The following PRIM2 variants were observed in gnomAD, a reference collection of about 807,000 sequenced individuals.
PRIM2 encodes the protein DNA primase subunit 2.
In PRIM2, 39 loss-of-function variants were observed where a neutral mutation model predicts 67.3. The ratio of observed to expected loss-of-function variants is 0.58; its 90% confidence interval spans 0.45 to 0.76. The LOEUF is 0.76. Ranked by LOEUF, PRIM2 falls within the 30% of genes least tolerant of loss-of-function variation. The pLI, the probability that PRIM2 is intolerant of heterozygous loss-of-function variation, is 0.00. For synonymous variants in PRIM2, 143 were observed against 198.7 expected, an observed-to-expected ratio of 0.72 and a Z score of 2.36; for missense variants, 398 against 598.7, an observed-to-expected ratio of 0.66 and a Z score of 3.50.
chr6:57,420,497 C>T (rs1771428809), intron 7 of PRIM2, among the ~76,000 whole-genome samples: 1 of 151,584 alleles, frequency 6.6e-6, no homozygotes, highest in Admixed American at 6.6e-5. Flanking sequence ...AGGGAGACTC[C>T]ATCTCAAAAA....
chr6:57,453,023 C>G (rs1340161257), intron 7 of PRIM2, among the ~76,000 whole-genome samples: 2 of 152,162 alleles, frequency 1.3e-5, no homozygotes, highest in African/African-American at 2.4e-5. Flanking sequence ...GTTTTCCCAG[C>G]ACCATTTATT....
intron 7 of PRIM2, among the ~76,000 whole-genome samples, chr6:57,480,871 C>T (rs1457477347): frequency 6.6e-6 from 1 of 152,218 alleles, no homozygotes; most frequent in Non-Finnish European, 1.5e-5. Context: ...TGTGATCTGC[C>T]TGGCTCTGCC....
chr6:57,615,568 T>C (rs1346042031), intron 12 of PRIM2, among the ~76,000 whole-genome samples: 2 of 152,230 alleles, frequency 1.3e-5, no homozygotes, highest in Non-Finnish European at 2.9e-5. Flanking sequence ...CTTTGTTTCA[T>C]GGACTTATAA....
chr6:57,370,782 C>T (rs1278440776), intron 5 of PRIM2, among the ~76,000 whole-genome samples: 1 of 147,920 alleles, frequency 6.8e-6, no homozygotes, highest in Non-Finnish European at 1.5e-5. Flanking sequence ...GCAACCTTTG[C>T]CTGCCTCCTA....
intron 5 of PRIM2, among the ~76,000 whole-genome samples, chr6:57,329,626 C>T (rs1767986494): frequency 6.6e-6 from 1 of 152,074 alleles, no homozygotes; most frequent in South Asian, 2.1e-4. Flanking sequence ...AGGGGCCTCC[C>T]CCTTTGCTTG....
At chr6:57,547,351 C>T (rs1215682187) in intron 10 of PRIM2, among the ~76,000 whole-genome samples, 3 of 152,106 alleles carry the variant, frequency 2.0e-5, no homozygotes, top group Non-Finnish European at 4.4e-5. Context: ...AGATAGTGAG[C>T]ATAGTACCCA....
chr6:57,287,272 G>T, the PRIM2 span, among the ~76,000 whole-genome samples: 1 of 152,142 alleles, frequency 6.6e-6, no homozygotes, highest in African/African-American at 2.4e-5. Flanking sequence ...ATACCCAAAG[G>T]ATTGTAAATC....
intron 9 of PRIM2, among the ~76,000 whole-genome samples, chr6:57,534,617 A>G (rs1260680937): frequency 2.0e-5 from 3 of 152,152 alleles, no homozygotes; most frequent in African/African-American, 7.2e-5. Flanking sequence ...CTCTTTGTGT[A>G]TTGAATCACA....
At chr6:57,287,458 A>G in the PRIM2 span, among the ~76,000 whole-genome samples, 1,606 of 152,298 alleles carry the variant, frequency 0.011, 25 homozygotes, top group African/African-American at 0.036. Flanking sequence ...TGTCCTTTGC[A>G]GGGACATGGA....
At chr6:57,617,695 T>A (rs1776779487) in intron 12 of PRIM2, among the ~76,000 whole-genome samples, 1 of 152,198 alleles carries the variant, frequency 6.6e-6, no homozygotes, top group Admixed American at 6.5e-5. Flanking sequence ...GTTCTCCTAT[T>A]CTGTAGGTTT....
intron 7 of PRIM2, among the ~76,000 whole-genome samples, chr6:57,428,731 A>T (rs1771715091): frequency 1.3e-5 from 2 of 152,190 alleles, no homozygotes; most frequent in African/African-American, 4.8e-5. Context: ...GATATTTAAA[A>T]ACTTTTTATT....
At chr6:57,320,081 T>C (rs1618210) in intron 2 of PRIM2, among the ~76,000 whole-genome samples, 99,519 of 152,014 alleles carry the variant, frequency 0.65, 32,705 homozygotes, top group South Asian at 0.72. Flanking sequence ...GTTGAATCTA[T>C]GCCAAGTAAA....
chr6:57,228,997 A>G, the PRIM2 span, among the ~76,000 whole-genome samples: 1 of 152,234 alleles, frequency 6.6e-6, no homozygotes, highest in Non-Finnish European at 1.5e-5. Flanking sequence ...TGAAATGCCA[A>G]TGGCATTGCC....
the PRIM2 span, among the ~76,000 whole-genome samples, chr6:57,280,583 C>T: frequency 6.6e-6 from 1 of 152,076 alleles, no homozygotes; most frequent in Admixed American, 6.5e-5. Context: ...GGTCTTGGCT[C>T]ACTGCAACCT....
At chr6:57,586,780 A>C (rs1776196359) in intron 10 of PRIM2, among the ~76,000 whole-genome samples, 1 of 152,210 alleles carries the variant, frequency 6.6e-6, no homozygotes, top group Non-Finnish European at 1.5e-5. Flanking sequence ...GTGGATGAAT[A>C]GTCTTGCTAA....
intron 7 of PRIM2, among the ~76,000 whole-genome samples, chr6:57,496,184 A>G (rs1581953322): frequency 1.3e-5 from 2 of 152,262 alleles, no homozygotes; most frequent in African/African-American, 4.8e-5. Context: ...TAATTAATAT[A>G]ATTGTGGATC....
At chr6:57,233,589 TTCCCTCCTCCCCCTCCCTCCC>T in the PRIM2 span, among the ~76,000 whole-genome samples, 1 of 147,002 alleles carries the variant, frequency 6.8e-6, no homozygotes, top group Non-Finnish European at 1.5e-5. Context: ...TCTTTCCTCC[TTCCCTCCTCCCCCTCCCTCCC>T]TCCCTCCCTC....
intron 10 of PRIM2, among the ~76,000 whole-genome samples, chr6:57,543,794 A>C (rs1308795753): frequency 1.3e-5 from 2 of 151,816 alleles, no homozygotes; most frequent in African/African-American, 4.8e-5. Flanking sequence ...GTTATACTTA[A>C]TGTTGGAGGG....
chr6:57,464,436 C>T (rs1446061930), intron 7 of PRIM2, among the ~76,000 whole-genome samples: 3 of 152,008 alleles, frequency 2.0e-5, no homozygotes, highest in Non-Finnish European at 4.4e-5. Flanking sequence ...TGCCACCACA[C>T]GTGGCTAATT....
Sources: gnomAD v4.1 joint callset for allele counts (sites outside exome capture counted in the v4.1 genomes callset) on GRCh38, gnomAD v4.1.1 for gene constraint, MANE v1.5 for transcripts, NCBI Gene and HGNC (gene_info 2026-07-23, HGNC 2026-07-21) for gene names.